KCNT1: variants seen among roughly 807,000 people sequenced by gnomAD.
The protein encoded by KCNT1 is potassium channel subfamily T member 1.
KCNT1 carries 78 observed loss-of-function variants against 147.8 expected under a neutral mutation model. The observed-to-expected ratio is 0.53, with a 90% confidence interval of 0.44 to 0.64. The LOEUF (loss-of-function observed/expected upper bound fraction) is 0.64, where lower values mean the gene tolerates loss of function less well. Among genes scored for constraint, KCNT1 ranks in the 30% least tolerant of loss-of-function variants. The pLI is 0.00. For synonymous variants in KCNT1, 867 were observed against 748.8 expected (o/e 1.16, Z -2.58); for missense variants, 1,419 against 1,750.3 (o/e 0.81, Z 3.38).
At position 135,739,731 on chromosome 9, in the gene KCNT1, C is replaced by T. The variant is rs971864900; in HGVS notation, c.255-10367C>T. Among the ~76,000 whole-genome samples the T allele has an allele frequency of 2.6e-5, 4 of 152,256 alleles. 1 individual carries two copies. The highest frequency in any genetic ancestry group is 4.1e-4 in the South Asian group (2 of 4,822). ...CCCCCGCCCTCCTCTGGCTTTGCCCCGCTCCGGGCTGCACACCTTCTTTCC... is the reference window on the plus strand; with the variant it reads ...CCCCCGCCCTCCTCTGGCTTTGCCCTGCTCCGGGCTGCACACCTTCTTTCC... On this transcript the variant is annotated intron_variant, in intron 2 of 30. Coordinates refer to ENST00000371757, the MANE Select transcript of KCNT1 (RefSeq NM_020822.3).
chr9:135,747,766 C>T (rs996751036), intron 2 of KCNT1, among the ~76,000 whole-genome samples: 1 of 152,060 alleles, frequency 6.6e-6, no homozygotes. Context: ...GTTCAGACGC[C>T]ACTGGTCTGT....
intron 19 of KCNT1, among the ~76,000 whole-genome samples, chr9:135,774,375 G>T (rs1832985805): frequency 6.9e-6 from 1 of 144,818 alleles, no homozygotes; most frequent in Admixed American, 6.9e-5. Flanking sequence ...TCTGTGTGTG[G>T]TGTGTGTTGC....
At position 135,777,391 on chromosome 9, in the gene KCNT1, G is replaced by A. The variant is rs761739057; in HGVS notation, c.2403G>A (p.Lys801=). 9.9e-6 allele frequency: 16 copies of A among 1,614,118 alleles called. No homozygotes were observed. The highest frequency in any genetic ancestry group is 8.8e-5 in the South Asian group (8 of 91,088). ...CCAAGGCCTACGGGTTCAAGAACAA[G>A]CTGATCATCGTCTCGGCAGAGACGG... ...EDAKAYGFKN[K]LIIVSAETAG... The change falls in exon 21 of 31, where the codon AAG becomes AAA. Residue 801 remains lysine, a synonymous_variant. Coordinates refer to ENST00000371757, the MANE Select transcript of KCNT1 (RefSeq NM_020822.3).
chr9:135,778,800 G>A lies in KCNT1; in HGVS notation c.2707G>A (p.Val903Ile), dbSNP rs372824034. 6.2e-7 allele frequency: 1 copy of A among 1,613,724 alleles called. No individual in the cohort carries two copies. Among genetic ancestry groups the A allele is most frequent in the African/African-American group, 1.3e-5 (1 of 74,886 alleles). ...EDYMADAKTI[V>I]NVQTMFRLFP... Reference sequence around the variant, plus strand: ...CTACATGGCGGACGCCAAGACCATCGTCAACGTGCAGACCATGTTCCGGTG... The same window carrying A: ...CTACATGGCGGACGCCAAGACCATCATCAACGTGCAGACCATGTTCCGGTG... Residue 903 changes from valine to isoleucine, a missense_variant, in exon 23 of 31, where the codon GTC (valine) becomes ATC (isoleucine). Around this residue, in one of 5 missense-constraint regions of KCNT1, gnomAD observed 247 missense variants for 397.1 expected, o/e 0.62. Transcript: ENST00000371757.
At chr9:135,706,109 G>A (rs780497737) in intron 1 of KCNT1, among the ~76,000 whole-genome samples, 9 of 152,188 alleles carry the variant, frequency 5.9e-5, no homozygotes, top group Non-Finnish European at 1.3e-4. Context: ...GTCAGCTCTG[G>A]CGAGTCACTT....
intron 15 of KCNT1, 136 bp downstream of exon 15, chr9:135,769,073 G>A (rs891572793): frequency 2.7e-5 from 18 of 654,710 alleles, no homozygotes; most frequent in South Asian, 1.7e-4. Flanking sequence ...GTGTGCACAC[G>A]TGGGTGACGG....
At position 135,725,107 on chromosome 9, in the gene KCNT1, C is replaced by T. The variant is rs549681410; in HGVS notation, c.254+10387C>T. On this transcript the variant is annotated intron_variant, in intron 2 of 30. Transcript: ENST00000371757. ...CCCAGCCCAGGATCCCTTGGTGGCT[C>T]AATGGCCCAACCGCCTCCCTGCACA... Among the ~76,000 whole-genome samples, 6 of 152,298 alleles carry T rather than the reference C, an allele frequency of 3.9e-5. No individual in the cohort carries two copies. In the South Asian group the frequency reaches 1.2e-3, roughly 32 times the overall value.
In KCNT1 at chr9:135,714,735, C is replaced by CGGG; in HGVS notation, c.254+17_254+19dup. 2.2e-6 allele frequency: 3 copies of CGGG among 1,348,502 alleles called. No individual in the cohort carries two copies. The highest frequency in any genetic ancestry group is 1.6e-5 in the South Asian group (1 of 64,060). 83.5% of individuals were successfully genotyped at this position (1,348,502 alleles called of 1,614,324 possible). A position where few individuals can be genotyped will look rare whatever the true frequency, so the allele number is the denominator to read the frequency against. On this transcript the variant is annotated intron_variant, in intron 2 of 30. Coordinates refer to ENST00000371757, the MANE Select transcript of KCNT1 (RefSeq NM_020822.3). This position sits in a 1 kb window ranked among gnomAD's most constrained non-coding sequence, Gnocchi z 6.2. Reference sequence around the variant, plus strand: ...AACGACGACAGGTAGGGACCGGGCGCGGGGTGGGGGCTGGGGTCGCCGTCC... The same window carrying CGGG: ...AACGACGACAGGTAGGGACCGGGCGCGGGGGGGTGGGGGCTGGGGTCGCCGTCC...
chr9:135,785,740 CGTTCCCCAG>C, intron 28 of KCNT1: 1 of 453,816 alleles, frequency 2.2e-6, no homozygotes, highest in South Asian at 2.2e-5. Context: ...TGGCACCCCA[CGTTCCCCAG>C]GTTCGGGGCC....
intron 7 of KCNT1, 25 bp from the exon 8 acceptor site, chr9:135,757,131 G>A (rs369511646): frequency 6.4e-4 from 246 of 382,218 alleles, no homozygotes; most frequent in Non-Finnish European, 7.9e-4. Flanking sequence ...CATCGCCCCC[G>A]CTGATACCCC....
At chr9:135,709,568 C>A (rs543629934) in intron 1 of KCNT1, among the ~76,000 whole-genome samples, 4 of 152,350 alleles carry the variant, frequency 2.6e-5, no homozygotes, top group Non-Finnish European at 5.9e-5. Context: ...CAGCCGATCA[C>A]TGGCGCAGGA....
In KCNT1 at chr9:135,784,551, A is replaced by T; in HGVS notation, c.2960A>T (p.Tyr987Phe). The T allele has an allele frequency of 7.0e-7, 1 of 1,427,110 alleles. No individual in the cohort carries two copies. Among genetic ancestry groups the T allele is most frequent in the Admixed American group, 2.1e-5 (1 of 48,322 alleles). 88.4% of individuals were successfully genotyped at this position (1,427,110 alleles called of 1,614,324 possible). ...TLLYQSFVKD[Y>F]MITITRLLLG... ...CCTGGCCAGTCCTTCGTGAAGGACTACATGATCACCATCACCCGGCTGCTG... is the reference window on the plus strand; with the variant it reads ...CCTGGCCAGTCCTTCGTGAAGGACTTCATGATCACCATCACCCGGCTGCTG... Residue 987 changes from tyrosine (Y) to phenylalanine (F), a missense_variant, in exon 26 of 31, where the codon TAC becomes TTC. Transcript: ENST00000371757.
At chr9:135,706,880 G>A (rs1305833726) in intron 1 of KCNT1, among the ~76,000 whole-genome samples, 1 of 152,148 alleles carries the variant, frequency 6.6e-6, no homozygotes, top group Non-Finnish European at 1.5e-5. Flanking sequence ...CTCAGGGTAC[G>A]GGCCCCTAGA....
chr9:135,751,183 T>C, intron 4 of KCNT1, 142 bp downstream of exon 4: 2 of 757,272 alleles, frequency 2.6e-6, no homozygotes, highest in Middle Eastern at 3.7e-4. Context: ...CCAGTGCCTG[T>C]CCCAGGATGG....
At chr9:135,726,874 A>C (rs1314365707) in intron 2 of KCNT1, among the ~76,000 whole-genome samples, 79 of 20,738 alleles carry the variant, frequency 3.8e-3, no homozygotes, top group Admixed American at 5.1e-3. Flanking sequence ...TCTCTTTCCC[A>C]TTCTCTCTCT....
Position 135,752,933 on chromosome 9 carries a change from GGACAGATAAGTA to G in KCNT1, c.435-1001_435-990del, listed in dbSNP as rs1831268419. 1.6e-4 allele frequency among the ~76,000 whole-genome samples: 24 copies of G among 151,242 alleles called. No homozygotes were observed. In the East Asian group the frequency reaches 3.2e-3, roughly 20 times the overall value. On this transcript the variant is annotated intron_variant, in intron 4 of 30. Coordinates refer to ENST00000371757, the MANE Select transcript of KCNT1 (RefSeq NM_020822.3). The surrounding 1 kb of genome is among the most constrained non-coding windows in gnomAD (Gnocchi z 5.1). ...GTGGATGGATGATGGATGGATGGAT[GGACAGATAAGTA>G]GATGGATAGATGGATGAGTGGATGG... is the stretch of plus-strand genomic sequence containing the variant.
intron 1 of KCNT1, among the ~76,000 whole-genome samples, chr9:135,703,344 C>T (rs547324228): frequency 2.6e-5 from 4 of 152,216 alleles, no homozygotes; most frequent in South Asian, 4.1e-4. Flanking sequence ...GTGCGGCTGC[C>T]TGTTTGTTCT....
At chr9:135,743,186 C>T (rs1030524159) in intron 2 of KCNT1, among the ~76,000 whole-genome samples, 5 of 152,050 alleles carry the variant, frequency 3.3e-5, no homozygotes, top group East Asian at 1.9e-4. Flanking sequence ...CTGTGCCGGT[C>T]GAGCTCCCAG....
Position 135,764,205 on chromosome 9 carries a change from C to T in KCNT1, c.1036-826C>T, listed in dbSNP as rs551011053. 2.3e-4 allele frequency among the ~76,000 whole-genome samples: 35 copies of T among 152,262 alleles called. No homozygotes were observed. In the East Asian group the frequency reaches 6.2e-3, roughly 27 times the overall value. On this transcript the variant is annotated intron_variant, in intron 11 of 30. Transcript: ENST00000371757. ...GGCACCATGACTCAGCCTGTAATCC[C>T]AGCACTTCAGGACGACAAGGCAGGA... is the stretch of plus-strand genomic sequence containing the variant.
Sources: allele counts gnomAD v4.1 joint callset (sites outside exome capture counted in the v4.1 genomes callset), GRCh38; gene constraint gnomAD v4.1.1; regional missense constraint gnomAD v4.1.1; non-coding constraint Gnocchi (gnomAD v3.1); transcripts MANE v1.5; gene names NCBI Gene and HGNC (gene_info 2026-07-23, HGNC 2026-07-21).